The following PHTF2 variants were observed in gnomAD, a reference collection of about 807,000 sequenced individuals.
PHTF2 encodes the protein putative homeodomain transcription factor 2, also known as protein PHTF2.
A neutral mutation model predicts 101.2 loss-of-function variants in PHTF2; 60 were observed. The observed-to-expected ratio is 0.59, with a 90% CI of 0.48 to 0.73. PHTF2 has a LOEUF of 0.73. Among genes scored for constraint, PHTF2 ranks in the 30% least tolerant of loss-of-function variants. The probability of loss-of-function intolerance (pLI) is 0.00; values close to 1 mark genes in which losing one functional copy is unlikely to be tolerated. For synonymous variants in PHTF2, 311 were observed against 307.3 expected (o/e 1.01, Z -0.13); for missense variants, 747 against 908.7 (o/e 0.82, Z 2.29).
At chr7:77,915,547 A>G (rs1382892493) in intron 9 of PHTF2, among the ~76,000 whole-genome samples, 1 of 152,150 alleles carries the variant, frequency 6.6e-6, no homozygotes, top group African/African-American at 2.4e-5. Flanking sequence ...TTTGGTAAAA[A>G]GCTTTTCAAA....
At chr7:77,877,535 A>C (rs1411049377) in intron 3 of PHTF2, among the ~76,000 whole-genome samples, 1 of 152,252 alleles carries the variant, frequency 6.6e-6, no homozygotes, top group East Asian at 1.9e-4. Context: ...ATCACATAGT[A>C]GCTTGATAAA....
chr7:77,907,493 A>C (rs147336338), intron 7 of PHTF2, among the ~76,000 whole-genome samples: 457 of 152,296 alleles, frequency 3.0e-3, no homozygotes, highest in African/African-American at 0.01. Context: ...AACAAAAAAA[A>C]CCCAGGAAAC....
At chr7:77,873,022 C>T (rs941571025) in intron 3 of PHTF2, among the ~76,000 whole-genome samples, 6 of 152,090 alleles carry the variant, frequency 3.9e-5, no homozygotes, top group Non-Finnish European at 7.4e-5. Flanking sequence ...CTCTGCCTCC[C>T]GGGTTCAAGC....
At chr7:77,851,008 A>G (rs1159333778) in intron 2 of PHTF2, among the ~76,000 whole-genome samples, 2 of 152,092 alleles carry the variant, frequency 1.3e-5, no homozygotes, top group Non-Finnish European at 2.9e-5. Flanking sequence ...GTGTTATTGT[A>G]TTCGGTTTGC....
chr7:77,806,639 C>G (rs572954250), intron 1 of PHTF2, among the ~76,000 whole-genome samples: 153 of 152,122 alleles, frequency 1.0e-3, no homozygotes, highest in African/African-American at 3.5e-3. Context: ...TAATCTCTGC[C>G]TTTTAATTTA....
chr7:77,949,921 A>G (rs915939988), intron 17 of PHTF2, 88 bp downstream of exon 16: 15 of 736,160 alleles, frequency 2.0e-5, no homozygotes, highest in Non-Finnish European at 2.9e-5. Context: ...AATGTGTTCT[A>G]TTTGATTAAG....
intron 3 of PHTF2, among the ~76,000 whole-genome samples, chr7:77,864,348 A>G (rs1179448844): frequency 6.6e-6 from 1 of 152,192 alleles, no homozygotes; most frequent in Non-Finnish European, 1.5e-5. Flanking sequence ...CACATCCACC[A>G]GAGTGATTTA....
chr7:77,898,562 A>C (rs955390153), intron 5 of PHTF2, among the ~76,000 whole-genome samples: 12 of 152,140 alleles, frequency 7.9e-5, no homozygotes, highest in Admixed American at 7.9e-4. Context: ...AATCAGAAAT[A>C]ATGTACAGAT....
intron 1 of PHTF2, among the ~76,000 whole-genome samples, chr7:77,804,819 C>A (rs1455873918): frequency 6.6e-6 from 1 of 152,196 alleles, no homozygotes; most frequent in Non-Finnish European, 1.5e-5. Flanking sequence ...AGTTCAAACC[C>A]TCATTATTGT....
At chr7:77,826,930 A>G (rs1794733923) in intron 1 of PHTF2, among the ~76,000 whole-genome samples, 1 of 152,230 alleles carries the variant, frequency 6.6e-6, no homozygotes, top group Non-Finnish European at 1.5e-5. Flanking sequence ...AATAGTGATG[A>G]CTTCAGGTAT....
intron 1 of PHTF2, among the ~76,000 whole-genome samples, chr7:77,839,653 A>T (rs1319459926): frequency 6.6e-6 from 1 of 152,180 alleles, no homozygotes. Flanking sequence ...GCAAACTGTG[A>T]TATCTGGGAA....
intron 1 of PHTF2, among the ~76,000 whole-genome samples, chr7:77,837,881 A>G (rs554510024): frequency 6.3e-4 from 96 of 152,098 alleles, no homozygotes; most frequent in African/African-American, 2.3e-3. Flanking sequence ...GAGTGATAAA[A>G]TCCTTTCACG....
At chr7:77,881,127 C>T (rs1046515079) in intron 3 of PHTF2, among the ~76,000 whole-genome samples, 6 of 152,214 alleles carry the variant, frequency 3.9e-5, no homozygotes, top group East Asian at 3.9e-4. Flanking sequence ...CCTGTTTAAA[C>T]GAGATTAAGG....
chr7:77,831,590 T>C (rs1234898604), intron 1 of PHTF2, among the ~76,000 whole-genome samples: 1 of 152,236 alleles, frequency 6.6e-6, no homozygotes, highest in East Asian at 1.9e-4. Flanking sequence ...ATGCTTGTTT[T>C]TGTGTGATAC....
intron 7 of PHTF2, among the ~76,000 whole-genome samples, chr7:77,907,512 A>C (rs1258129419): frequency 1.3e-5 from 2 of 152,190 alleles, no homozygotes; most frequent in African/African-American, 4.8e-5. Context: ...ACTAGATAGA[A>C]TAGTACAACA....
intron 3 of PHTF2, among the ~76,000 whole-genome samples, chr7:77,871,113 T>C (rs1205778663): frequency 1.3e-5 from 2 of 152,076 alleles, no homozygotes; most frequent in African/African-American, 4.8e-5. Context: ...AGCAAGCACC[T>C]CAGCAAGTCA....
At chr7:77,857,147 G>C (rs1218853831) in intron 3 of PHTF2, among the ~76,000 whole-genome samples, 1 of 152,158 alleles carries the variant, frequency 6.6e-6, no homozygotes, top group Non-Finnish European at 1.5e-5. Context: ...AGTGACCTAA[G>C]CTGTCCTTTC....
At chr7:77,801,187 A>G (rs138056836) in intron 1 of PHTF2, among the ~76,000 whole-genome samples, 522 of 152,362 alleles carry the variant, frequency 3.4e-3, no homozygotes, top group Admixed American at 5.8e-3. Context: ...CGATAATACA[A>G]TATATACAGA....
chr7:77,917,881 T>C (rs848483), intron 9 of PHTF2, among the ~76,000 whole-genome samples: 88,761 of 152,074 alleles, frequency 0.58, 26,329 homozygotes, highest in East Asian at 0.79. Flanking sequence ...CAACTTACCT[T>C]CATAGGGTTC....
Sources: gnomAD v4.1 joint callset for allele counts (sites outside exome capture counted in the v4.1 genomes callset) on GRCh38, gnomAD v4.1.1 for gene constraint, MANE v1.5 for transcripts, NCBI Gene and HGNC (gene_info 2026-07-23, HGNC 2026-07-21) for gene names.